The following TTC17 variants were observed in gnomAD, a reference collection of about 807,000 sequenced individuals.
The protein encoded by TTC17 is tetratricopeptide repeat domain 17, also known as tetratricopeptide repeat protein 17.
In TTC17, 58 loss-of-function variants were observed where a neutral mutation model predicts 143.8. That is an observed-to-expected ratio of 0.40 (90% CI 0.33 to 0.50). TTC17 has a LOEUF of 0.50. Ranked by LOEUF, TTC17 falls within the 20% of genes least tolerant of loss-of-function variation. The pLI is 0.49. For synonymous variants in TTC17, 501 were observed against 497.8 expected (o/e 1.01, Z -0.09); for missense variants, 1,273 against 1,392.5 (o/e 0.91, Z 1.37).
intron 22 of TTC17, chr11:43,490,650 C>G: frequency 5.3e-6 from 1 of 188,862 alleles, no homozygotes; most frequent in Non-Finnish European, 1.1e-5. Flanking sequence ...ACCCAACATA[C>G]AGCAAATGCA....
intron 21 of TTC17, among the ~76,000 whole-genome samples, chr11:43,471,615 C>CG (rs1948094109): frequency 6.6e-6 from 1 of 152,210 alleles, no homozygotes; most frequent in Non-Finnish European, 1.5e-5. Flanking sequence ...TCCCTTCCCA[C>CG]GGGGGAAGAT....
Position 43,407,072 on chromosome 11 carries a change from A to C in TTC17, c.1762-66A>C, listed in dbSNP as rs543077908. On this transcript the variant is annotated intron_variant, in intron 13 of 23. Transcript: ENST00000039989. ...AGCTTAAGAAAAGACTGCCATCTAT[A>C]GAAATTCTTTTCAAATGTCTTCCCT... 4.4e-6 allele frequency: 5 copies of C among 1,135,098 alleles called. No individual in the cohort carries two copies. The South Asian group carries it at 6.0e-5, about 14-fold the overall frequency. The allele number at this position is 1,135,098 out of a possible 1,614,324, so 70.3% of individuals were successfully genotyped here.
chr11:43,388,039 A>T (rs1187354695), intron 2 of TTC17, among the ~76,000 whole-genome samples: 1 of 152,254 alleles, frequency 6.6e-6, no homozygotes, highest in East Asian at 1.9e-4. Flanking sequence ...TGACACGTCT[A>T]TATAAAACTG....
chr11:43,445,475 T>G (rs1051925492), intron 18 of TTC17, among the ~76,000 whole-genome samples: 1 of 152,232 alleles, frequency 6.6e-6, no homozygotes, highest in African/African-American at 2.4e-5. Flanking sequence ...TGTATGACTT[T>G]TCCATTTTCT....
At chr11:43,467,909 G>A (rs1003558268) in intron 21 of TTC17, among the ~76,000 whole-genome samples, 3 of 151,736 alleles carry the variant, frequency 2.0e-5, no homozygotes, top group African/African-American at 7.3e-5. Flanking sequence ...AGAATCCCAG[G>A]AGAAGAGGAG....
rs116629400 is a variant in TTC17 at position 43,363,544 on chromosome 11, A to T, written c.159+4431A>T. ...TAATTGGAGGGCTAAAAATTTAAGT[A>T]AATTAAGAGTATCATCTGTATCAGC... On this transcript the variant is annotated intron_variant, in intron 1 of 23. Transcript: ENST00000039989. 4.6e-3 allele frequency among the ~76,000 whole-genome samples: 695 copies of T among 152,372 alleles called. 1 individual carries two copies. The highest frequency in any genetic ancestry group is 0.016 in the African/African-American group (670 of 41,586).
chr11:43,422,606 G>A (rs901892612), intron 16 of TTC17, among the ~76,000 whole-genome samples: 11 of 152,154 alleles, frequency 7.2e-5, no homozygotes, highest in African/African-American at 2.4e-4. Context: ...AACCATTGAA[G>A]TATTTTATCC....
chr11:43,444,333 A>G (rs151190950), intron 18 of TTC17, 124 bp downstream of exon 18: 6 of 933,770 alleles, frequency 6.4e-6, no homozygotes, highest in African/African-American at 3.4e-5. Flanking sequence ...AGTGTGGTCA[A>G]GAAACCAGTC....
intron 1 of TTC17, among the ~76,000 whole-genome samples, chr11:43,363,051 C>T (rs1856182153): frequency 6.6e-6 from 1 of 152,130 alleles, no homozygotes; most frequent in African/African-American, 2.4e-5. Context: ...CTAGTAAGCC[C>T]ATCTCACTTT....
chr11:43,385,419 A>T (rs1441028714), intron 2 of TTC17, among the ~76,000 whole-genome samples: 1 of 152,088 alleles, frequency 6.6e-6, no homozygotes, highest in East Asian at 1.9e-4. Flanking sequence ...TACCCAGGAA[A>T]AAAGAGAGAA....
At position 43,379,286 on chromosome 11, in the gene TTC17, A is replaced by G. The variant is rs1316133470; in HGVS notation, c.213A>G (p.Arg71=). 6 of 1,612,350 alleles carry G rather than the reference A, an allele frequency of 3.7e-6. No individual in the cohort carries two copies. Among genetic ancestry groups the G allele is most frequent in the Non-Finnish European group, 5.1e-6 (6 of 1,179,466 alleles). The change falls in exon 2 of 24, where the codon AGA becomes AGG. Residue 71 remains arginine (R), a synonymous_variant. Coordinates refer to ENST00000039989, the MANE Select transcript of TTC17 (RefSeq NM_018259.6). ...CTCATGACCTAGTCATATTAATGAGACAAGAAGCAACAGTTAACTACCTCA... is the reference window on the plus strand; with the variant it reads ...CTCATGACCTAGTCATATTAATGAGGCAAGAAGCAACAGTTAACTACCTCA... ...KHPHDLVILM[R]QEATVNYLKE...
intron 16 of TTC17, 36 bp from the exon 17 acceptor site, chr11:43,443,289 G>C (rs377180885): frequency 5.0e-6 from 8 of 1,607,996 alleles, no homozygotes; most frequent in East Asian, 2.2e-5. Flanking sequence ...TGAGTACTGT[G>C]TACCTTTTAC....
chr11:43,466,619 CG>C, intron 21 of TTC17: 1 of 307,982 alleles, frequency 3.2e-6, no homozygotes. Context: ...AGTCCATCTA[CG>C]GGGATAAATT....
intron 21 of TTC17, among the ~76,000 whole-genome samples, chr11:43,454,925 G>T (rs909916137): frequency 6.6e-6 from 1 of 151,872 alleles, no homozygotes; most frequent in Non-Finnish European, 1.5e-5. Context: ...CAGTAAGGTA[G>T]ATCTTATTAG....
Position 43,373,384 on chromosome 11 carries a change from C to T in TTC17, c.160-5849C>T, listed in dbSNP as rs199545387. 1.3e-4 allele frequency among the ~76,000 whole-genome samples: 20 copies of T among 148,274 alleles called. No individual in the cohort carries two copies. The East Asian group carries it at 3.0e-3, about 22-fold the overall frequency. On this transcript the variant is annotated intron_variant, in intron 1 of 23. Transcript: ENST00000039989. ...TGTCACCCAGGCTGGAGTGCAGTGG[C>T]GCAATCTCTGCTCACTGCAAGCTCC...
At chr11:43,399,830 G>A (rs1857772317) in intron 8 of TTC17, 58 bp from the exon 9 acceptor site, 4 of 1,525,944 alleles carry the variant, frequency 2.6e-6, no homozygotes, top group African/African-American at 1.4e-5. Flanking sequence ...CATTTAAGTG[G>A]GTTTAAAATT....
chr11:43,387,292 C>CA (rs1857205425), intron 2 of TTC17, among the ~76,000 whole-genome samples: 1 of 152,116 alleles, frequency 6.6e-6, no homozygotes, highest in South Asian at 2.1e-4. Context: ...CAGTGCTGTT[C>CA]TCATGAAGGA....
In TTC17 at chr11:43,491,999, C is replaced by T. The variant is rs200335474; in HGVS notation, c.3151-21C>T. 5.8e-5 allele frequency: 93 copies of T among 1,612,106 alleles called. No homozygotes were observed. In the East Asian group the frequency reaches 2.1e-3, roughly 36 times the overall value. On this transcript the variant is annotated intron_variant, in intron 22 of 23. Coordinates refer to ENST00000039989, the MANE Select transcript of TTC17 (RefSeq NM_018259.6). ...CTCAAAACCCAATTTTCCCTTCTCA[C>T]CATTCTCCTTCTTCTCCCAGGATGT...
intron 11 of TTC17, among the ~76,000 whole-genome samples, chr11:43,404,883 A>G (rs1421708953): frequency 1.3e-5 from 2 of 152,176 alleles, no homozygotes; most frequent in South Asian, 2.1e-4. Flanking sequence ...TGGCATTGGC[A>G]AAGAAAAGAC....
Sources: gnomAD v4.1 joint callset for allele counts (sites outside exome capture counted in the v4.1 genomes callset) on GRCh38, gnomAD v4.1.1 for gene constraint, MANE v1.5 for transcripts, NCBI Gene and HGNC (gene_info 2026-07-23, HGNC 2026-07-21) for gene names.